LATS1: variants seen among roughly 807,000 people sequenced by gnomAD.
LATS1 encodes the protein large tumor suppressor kinase 1.
A neutral mutation model predicts 106.6 loss-of-function variants in LATS1; 25 were observed. The observed-to-expected ratio is 0.23, with a 90% CI of 0.17 to 0.33. LATS1 has a LOEUF of 0.33. Among genes scored for constraint, LATS1 ranks in the 10% least tolerant of loss-of-function variants. LATS1 has a pLI of 1.00. For synonymous variants in LATS1, 465 were observed against 455.6 expected, an observed-to-expected ratio of 1.02 and a Z score of -0.26; for missense variants, 1,040 against 1,382.6, an observed-to-expected ratio of 0.75 and a Z score of 3.93.
At position 149,683,629 on chromosome 6, in the gene LATS1, G is replaced by A. The variant is rs1241005307; in HGVS notation, c.1460C>T (p.Thr487Ile). The A allele has an allele frequency of 1.2e-6, 2 of 1,614,216 alleles. No homozygotes were observed. Among genetic ancestry groups the A allele is most frequent in the Non-Finnish European group, 8.5e-7 (1 of 1,180,042 alleles). ...ANSQPSATTVTAITPAPIQQP... is the reference protein window; with the variant it reads ...ANSQPSATTVIAITPAPIQQP... ...TTGAATAGGAGCTGGTGTAATTGCA[G>A]TGACTGTTGTAGCAGAAGGCTGAGA... The change falls in exon 4 of 8, where the codon ACT becomes ATT. Residue 487 changes from threonine (T) to isoleucine (I), a missense_variant. Physicochemically the swap from Thr to Ile is moderately conservative, Grantham distance 89 (BLOSUM62 -1). Transcript: ENST00000543571.
chr6:149,693,223 G>A (rs956604214), intron 3 of LATS1, among the ~76,000 whole-genome samples: 36 of 151,442 alleles, frequency 2.4e-4, no homozygotes, highest in African/African-American at 8.5e-4. Flanking sequence ...GTTGCAGTAA[G>A]CCAAGATTGT....
chr6:149,684,023 A>C lies in LATS1; in HGVS notation c.1066T>G (p.Phe356Val), dbSNP rs753041564. The stretch of plus-strand genomic sequence containing the variant: ...GGGACAACATTTTGGTGTATCATGA[A>C]ATCAGTTTGTCCAGTACCATTCTGC... ...GMQNGTGQTD[F>V]MIHQNVVPAG... The change falls in exon 4 of 8, where the codon TTC becomes GTC. Residue 356 changes from phenylalanine (F) to valine (V), a missense_variant. By Grantham distance (50) the Phe-to-Val change is conservative. Coordinates refer to ENST00000543571, the MANE Select transcript of LATS1 (RefSeq NM_004690.4). 3 of 1,614,054 alleles carry C rather than the reference A, an allele frequency of 1.9e-6. No homozygotes were observed. In the South Asian group the frequency reaches 3.3e-5, roughly 18 times the overall value.
intron 1 of LATS1, among the ~76,000 whole-genome samples, chr6:149,712,225 G>A (rs1233340640): frequency 6.6e-6 from 1 of 152,014 alleles, no homozygotes; most frequent in Non-Finnish European, 1.5e-5. Context: ...TATAGATGGA[G>A]TTTCGCTCGT....
intron 7 of LATS1, among the ~76,000 whole-genome samples, chr6:149,674,264 A>G (rs567078827): frequency 3.1e-4 from 45 of 146,914 alleles, no homozygotes; most frequent in Admixed American, 2.6e-3. Flanking sequence ...TAGTAGAGAC[A>G]GGGTTTCACC....
Position 149,683,208 on chromosome 6 carries a change from C to A in LATS1, c.1881G>T (p.Arg627Ser). 1 of 1,613,908 alleles carries A rather than the reference C, an allele frequency of 6.2e-7. No homozygotes were observed. Among genetic ancestry groups the A allele is most frequent in the Non-Finnish European group, 8.5e-7 (1 of 1,179,976 alleles). ...VRKNKKDEER[R>S]ESRIQSYSPQ... ...GAGAATAACTTTGAATACGAGATTC[C>A]CTTCGCTCTTCATCTTTCTTGTTTT... Residue 627 changes from arginine (R) to serine (S), a missense_variant, in exon 4 of 8, where the codon AGG becomes AGT. Transcript: ENST00000543571.
intron 5 of LATS1, among the ~76,000 whole-genome samples, chr6:149,678,615 C>T (rs188626048): frequency 9.7e-4 from 147 of 152,192 alleles, no homozygotes; most frequent in African/African-American, 3.2e-3. Context: ...AGAATTGTTG[C>T]GAGCATATTA....
intron 7 of LATS1, among the ~76,000 whole-genome samples, chr6:149,674,761 C>CA (rs1227983632): frequency 6.7e-6 from 1 of 149,850 alleles, no homozygotes; most frequent in Non-Finnish European, 1.5e-5. Flanking sequence ...CCTGTATCTA[C>CA]AAAAAATACA....
At chr6:149,682,361 A>C (rs1044733196) in intron 4 of LATS1, among the ~76,000 whole-genome samples, 6 of 152,082 alleles carry the variant, frequency 3.9e-5, no homozygotes, top group African/African-American at 2.4e-5. Flanking sequence ...AAATTTTCTA[A>C]AAGTAAATGT....
At chr6:149,666,185 T>C (rs1345827063) in intron 7 of LATS1, among the ~76,000 whole-genome samples, 1 of 148,724 alleles carries the variant, frequency 6.7e-6, no homozygotes, top group African/African-American at 2.5e-5. Context: ...AACATATTAT[T>C]CAAAATGTCC....
chr6:149,662,092 A>C lies in LATS1; in HGVS notation c.3030T>G (p.Phe1010Leu), dbSNP rs1299618006. ...GADEIKAHPF[F>L]KTIDFSSDLR... ...GGTCACTGGAGAAGTCAATTGTTTT[A>C]AAAAATGGATGAGCTTTTATTTCAT... Residue 1010 changes from phenylalanine to leucine, a missense_variant, in exon 8 of 8, where the codon TTT (phenylalanine) becomes TTG (leucine). This residue lies in a region of LATS1 where 113 missense variants were observed against 146.3 expected (regional missense o/e 0.77). Transcript: ENST00000543571. The C allele has an allele frequency of 5.6e-6, 9 of 1,613,846 alleles. No individual in the cohort carries two copies. Among genetic ancestry groups the C allele is most frequent in the African/African-American group, 4.0e-5 (3 of 74,922 alleles).
At chr6:149,691,720 C>T (rs1782762687) in intron 3 of LATS1, among the ~76,000 whole-genome samples, 1 of 152,104 alleles carries the variant, frequency 6.6e-6, no homozygotes, top group African/African-American at 2.4e-5. Context: ...TGTAACATCC[C>T]TTAGGTGACC....
Position 149,662,141 on chromosome 6 carries a change from T to C in LATS1, c.2981A>G (p.Asp994Gly). 6.2e-7 allele frequency: 1 copy of C among 1,614,146 alleles called. No homozygotes were observed. Among genetic ancestry groups the C allele is most frequent in the Non-Finnish European group, 8.5e-7 (1 of 1,180,038 alleles). ...LIIKLCRGPE[D>G]RLGKNGADEI... ...ATCAGCACCATTCTTGCCTAAGCGATCTTCGGGTCCTCGGCAAAGTTTAAT... is the reference window on the plus strand; with the variant it reads ...ATCAGCACCATTCTTGCCTAAGCGACCTTCGGGTCCTCGGCAAAGTTTAAT... Residue 994 changes from aspartate to glycine, a missense_variant, in exon 8 of 8, where the codon GAT (aspartate) becomes GGT (glycine). Coordinates refer to ENST00000543571, the MANE Select transcript of LATS1 (RefSeq NM_004690.4).
At chr6:149,699,058 C>CAAAAAAAAAAAAAA (rs11290034) in intron 2 of LATS1, among the ~76,000 whole-genome samples, 1 of 141,618 alleles carries the variant, frequency 7.1e-6, no homozygotes. Flanking sequence ...AACACATTCT[C>CAAAAAAAAAAAAAA]AAAAAAAAAA....
intron 3 of LATS1, among the ~76,000 whole-genome samples, chr6:149,687,160 G>A (rs1368270290): frequency 1.3e-5 from 2 of 150,892 alleles, no homozygotes; most frequent in African/African-American, 2.4e-5. Context: ...GCATGATCTC[G>A]GCTCAGCGAA....
chr6:149,686,948 A>C (rs1782407023), intron 3 of LATS1, among the ~76,000 whole-genome samples: 1 of 152,094 alleles, frequency 6.6e-6, no homozygotes. Flanking sequence ...CTTTGGTATT[A>C]CTCATATCTG....
intron 1 of LATS1, among the ~76,000 whole-genome samples, chr6:149,702,975 T>C (rs113943103): frequency 6.6e-6 from 1 of 151,532 alleles, no homozygotes; most frequent in African/African-American, 2.4e-5. Context: ...GCCCAGCCTT[T>C]TTTTTTTTGA....
chr6:149,676,232 T>G, intron 7 of LATS1, 28 bp downstream of exon 7: 1 of 1,420,262 alleles, frequency 7.0e-7, no homozygotes, highest in South Asian at 1.2e-5. Flanking sequence ...TTTGTGAGAA[T>G]TCTTTTGATA....
Position 149,715,504 on chromosome 6 carries a change from G to A in LATS1, c.-141+2345C>T, listed in dbSNP as rs1177706684. Reference sequence around the variant, plus strand: ...TTCTTGTTCTGAGTTCAGGTGGTAAGTTCATGGATGTTCATTTTATTATGC... The same window carrying A: ...TTCTTGTTCTGAGTTCAGGTGGTAAATTCATGGATGTTCATTTTATTATGC... On this transcript the variant is annotated intron_variant, in intron 1 of 7. Coordinates refer to ENST00000543571, the MANE Select transcript of LATS1 (RefSeq NM_004690.4). 2.0e-5 allele frequency among the ~76,000 whole-genome samples: 3 copies of A among 152,222 alleles called. 1 individual carries two copies. The highest frequency in any genetic ancestry group is 2.0e-4 in the Admixed American group (3 of 15,286).
At chr6:149,667,125 C>T (rs543864092) in intron 7 of LATS1, among the ~76,000 whole-genome samples, 5 of 151,624 alleles carry the variant, frequency 3.3e-5, no homozygotes, top group Non-Finnish European at 7.4e-5. Flanking sequence ...GAAAAAAAAT[C>T]AGTGAACTTG....
Sources: gnomAD v4.1 joint callset for allele counts (sites outside exome capture counted in the v4.1 genomes callset) on GRCh38, gnomAD v4.1.1 for gene constraint, gnomAD v4.1.1 regional missense constraint, MANE v1.5 for transcripts, NCBI Gene and HGNC (gene_info 2026-07-23, HGNC 2026-07-21) for gene names.